Variants in CELF4 observed in about 807,000 individuals in gnomAD.
CELF4 encodes the protein CUG-BP- and ETR-3-like factor 4.
In CELF4, 18 loss-of-function variants were observed where a neutral mutation model predicts 59.9. That is an observed-to-expected ratio of 0.30 (90% CI 0.21 to 0.45). The LOEUF is 0.45. Among genes scored for constraint, CELF4 ranks in the 20% least tolerant of loss-of-function variants. The probability of loss-of-function intolerance (pLI) is 1.00; values close to 1 mark genes in which losing one functional copy is unlikely to be tolerated. For synonymous variants in CELF4, 261 were observed against 267.1 expected, an observed-to-expected ratio of 0.98 and a Z score of 0.22; for missense variants, 456 against 689.0, an observed-to-expected ratio of 0.66 and a Z score of 3.79.
In CELF4 at chr18:37,519,105, G is replaced by C. The variant is rs2099954136; in HGVS notation, c.287-33498C>G. ...GGTCCTGAGAGCCCACAGACAGATG[G>C]GCAGCCTCCAAGGGCCTGGCCACAG... On this transcript the variant is annotated intron_variant, in intron 1 of 12. Transcript: ENST00000420428. Among the ~76,000 whole-genome samples the C allele has an allele frequency of 1.3e-5, 2 of 150,726 alleles. 1 individual carries two copies. Among genetic ancestry groups the C allele is most frequent in the South Asian group, 4.3e-4 (2 of 4,688 alleles).
At chr18:37,386,755 T>G (rs192448348) in intron 2 of CELF4, among the ~76,000 whole-genome samples, 1 of 152,320 alleles carries the variant, frequency 6.6e-6, no homozygotes, top group East Asian at 1.9e-4. Flanking sequence ...AAATAGTCTC[T>G]CTTTTCCTAA....
chr18:37,345,765 G>T (rs904722661), intron 2 of CELF4, among the ~76,000 whole-genome samples: 1 of 152,054 alleles, frequency 6.6e-6, no homozygotes, highest in Non-Finnish European at 1.5e-5. Flanking sequence ...CCCCAGGGAG[G>T]CTGGGGACCC....
intron 3 of CELF4, among the ~76,000 whole-genome samples, chr18:37,314,387 G>A (rs987879758): frequency 1.3e-5 from 2 of 152,138 alleles, no homozygotes; most frequent in Admixed American, 1.3e-4. Flanking sequence ...CCTGGGAGGT[G>A]GAGGTTGCAG....
intron 2 of CELF4, among the ~76,000 whole-genome samples, chr18:37,407,032 C>G (rs147632320): frequency 6.6e-6 from 1 of 152,134 alleles, no homozygotes. Context: ...GGAAAGACAG[C>G]ATGGTTTATT....
intron 3 of CELF4, among the ~76,000 whole-genome samples, chr18:37,303,075 AGAG>A (rs1162282579): frequency 6.6e-6 from 1 of 152,194 alleles, no homozygotes; most frequent in East Asian, 1.9e-4. Flanking sequence ...ATGGTGGAAG[AGAG>A]GAGAAGGAAC....
chr18:37,394,706 G>A lies in CELF4; in HGVS notation c.370-72825C>T, dbSNP rs113672732. ...TGGGGGGTGTCACACGGGTGAGAAG[G>A]TGGGAGGACTGAAGGGTCCAGAAGG... On this transcript the variant is annotated intron_variant, in intron 2 of 12. Transcript: ENST00000420428. Among the ~76,000 whole-genome samples, 132 of 152,302 alleles carry A rather than the reference G, an allele frequency of 8.7e-4. 1 individual carries two copies. The highest frequency in any genetic ancestry group is 3.0e-3 in the African/African-American group (126 of 41,574).
chr18:37,272,905 A>T, intron 7 of CELF4, 111 bp downstream of exon 7: 1 of 1,094,842 alleles, frequency 9.1e-7, no homozygotes, highest in East Asian at 2.5e-5. Flanking sequence ...GGGCCCAGAC[A>T]CTATGTGCTT....
intron 1 of CELF4, among the ~76,000 whole-genome samples, chr18:37,555,316 TC>T (rs2099984443): frequency 6.6e-6 from 1 of 152,196 alleles, no homozygotes; most frequent in African/African-American, 2.4e-5. Flanking sequence ...TTCCTTCTTT[TC>T]CTGTTCAGAG....
At chr18:37,441,892 G>C (rs1474459976) in intron 2 of CELF4, among the ~76,000 whole-genome samples, 1 of 151,764 alleles carries the variant, frequency 6.6e-6, no homozygotes, top group Non-Finnish European at 1.5e-5. Context: ...CTCCACACCT[G>C]AACTGCAAAG....
intron 1 of CELF4, among the ~76,000 whole-genome samples, chr18:37,545,562 ACAGCATCTC>A (rs1158461914): frequency 2.6e-5 from 4 of 152,186 alleles, no homozygotes; most frequent in Non-Finnish European, 5.9e-5. Flanking sequence ...ATTTAGCCAG[ACAGCATCTC>A]CCTGGGCCCC....
intron 2 of CELF4, among the ~76,000 whole-genome samples, chr18:37,410,719 TA>T (rs1482398548): frequency 3.3e-5 from 5 of 152,144 alleles, no homozygotes; most frequent in African/African-American, 1.2e-4. Context: ...CCAAGTGACT[TA>T]GGGTGCGTGA....
intron 2 of CELF4, among the ~76,000 whole-genome samples, chr18:37,393,053 AGG>A (rs2099183726): frequency 4.8e-5 from 2 of 41,488 alleles, no homozygotes; most frequent in African/African-American, 3.2e-4. Flanking sequence ...GCACAGACAC[AGG>A]GACTGCGGTG....
chr18:37,554,583 G>C (rs1211243011), intron 1 of CELF4, among the ~76,000 whole-genome samples: 1 of 152,110 alleles, frequency 6.6e-6, no homozygotes, highest in Admixed American at 6.5e-5. Context: ...CCCAGCATGG[G>C]GCCTGGACTC....
intron 3 of CELF4, among the ~76,000 whole-genome samples, chr18:37,291,195 CA>C (rs2095311485): frequency 6.6e-6 from 1 of 152,178 alleles, no homozygotes; most frequent in South Asian, 2.1e-4. Flanking sequence ...AGGCATGAGC[CA>C]CCGTGCCTGG....
Position 37,464,567 on chromosome 18 carries a change from T to C in CELF4, c.369+20958A>G, listed in dbSNP as rs558584210. On this transcript the variant is annotated intron_variant, in intron 2 of 12. Transcript: ENST00000420428. ...CCATGACTCAGGACTCTGCCTGGGG[T>C]GGGCTTGGGTGCCCTGGCTGGCCTG... 3.3e-5 allele frequency among the ~76,000 whole-genome samples: 5 copies of C among 152,230 alleles called. No homozygotes were observed. The East Asian group carries it at 9.7e-4, about 30-fold the overall frequency.
chr18:37,242,900 G>A (rs750345331), downstream of CELF4: 7 of 152,338 alleles, frequency 4.6e-5, no homozygotes, highest in Admixed American at 2.6e-4. Flanking sequence ...TCCCAGAAGA[G>A]CCTCACATGC....
chr18:37,522,511 G>A lies in CELF4; in HGVS notation c.287-36904C>T, dbSNP rs556229357. On this transcript the variant is annotated intron_variant, in intron 1 of 12. Transcript: ENST00000420428. Reference sequence around the variant, plus strand: ...GGTCTGACTGGATAGCTCTGTGTGTGTGAGCGCGCACACACACACACACAC... The same window carrying A: ...GGTCTGACTGGATAGCTCTGTGTGTATGAGCGCGCACACACACACACACAC... Among the ~76,000 whole-genome samples the A allele has an allele frequency of 4.1e-3, 618 of 152,192 alleles. 4 individuals carry two copies. The highest frequency in any genetic ancestry group is 7.2e-3 in the Non-Finnish European group (488 of 67,998).
chr18:37,353,183 T>C (rs372537203), intron 2 of CELF4, among the ~76,000 whole-genome samples: 5 of 138,604 alleles, frequency 3.6e-5, no homozygotes, highest in African/African-American at 1.3e-4. Context: ...ATTGCGCCAC[T>C]GCACTCCAGC....
chr18:37,469,864 C>A (rs994115395), intron 2 of CELF4, among the ~76,000 whole-genome samples: 1 of 152,084 alleles, frequency 6.6e-6, no homozygotes, highest in Admixed American at 6.5e-5. Context: ...GGCTGGAGCA[C>A]GCAAACCAAC....
Sources: gnomAD v4.1 joint callset for allele counts (sites outside exome capture counted in the v4.1 genomes callset) on GRCh38, gnomAD v4.1.1 for gene constraint, MANE v1.5 for transcripts, NCBI Gene and HGNC (gene_info 2026-07-23, HGNC 2026-07-21) for gene names.